The following GP6 variants were observed in gnomAD, a reference collection of about 807,000 sequenced individuals.
The protein encoded by GP6 is platelet glycoprotein VI.
In GP6, 45 loss-of-function variants were observed where a neutral mutation model predicts 37.3. That is an observed-to-expected ratio of 1.21 (90% CI 0.95 to 1.55). The LOEUF (loss-of-function observed/expected upper bound fraction) is 1.55. GP6 is among the 40% of genes most tolerant of loss of function. The probability of loss-of-function intolerance (pLI) is 0.00; values close to 1 mark genes in which losing one functional copy is unlikely to be tolerated. For synonymous variants in GP6, 340 were observed against 316.4 expected, an observed-to-expected ratio of 1.07 and a Z score of -0.79; for missense variants, 813 against 760.2, an observed-to-expected ratio of 1.07 and a Z score of -0.82.
chr19:55,021,497 C>T (rs62121977), intron 5 of GP6, among the ~76,000 whole-genome samples: 111,278 of 147,650 alleles, frequency 0.75, 42,925 homozygotes, highest in Middle Eastern at 0.84. Context: ...TCGCCAGCAC[C>T]TGTTGTTTCT....
chr19:55,038,004 C>T (rs1165866437), intron 1 of GP6, among the ~76,000 whole-genome samples, 199 bp downstream of exon 1: 2 of 152,148 alleles, frequency 1.3e-5, no homozygotes, highest in African/African-American at 4.8e-5. Flanking sequence ...TTTCCTGACC[C>T]AGCCATGAAT....
chr19:55,036,778 C>T (rs537251428), intron 1 of GP6, among the ~76,000 whole-genome samples: 144 of 152,144 alleles, frequency 9.5e-4, no homozygotes, highest in African/African-American at 3.0e-3. Context: ...TTTGGGAGGC[C>T]GAGGCGGGTG....
rs1456856082 is a variant in GP6, at chr19:55,014,460, G to A, written c.1485C>T (p.Ile495=). The A allele has an allele frequency of 1.9e-6, 3 of 1,613,718 alleles. No homozygotes were observed. The highest frequency in any genetic ancestry group is 2.2e-5 in the South Asian group (2 of 91,082). ...GGAGATTTGTTAGACCGCAGTGGGA[G>A]ATGGAGTGAGGGTGAGAGTTTCTGG... The change falls in exon 8 of 8, where the codon ATC becomes ATT. Residue 495 remains isoleucine (I), a synonymous_variant. Transcript: ENST00000310373.
intron 1 of GP6, among the ~76,000 whole-genome samples, chr19:55,034,746 A>ACACACACACACACACACACAC (rs2074764728): frequency 1.9e-5 from 2 of 103,956 alleles, no homozygotes; most frequent in African/African-American, 7.4e-5. Flanking sequence ...CACACACACA[A>ACACACACACACACACACACAC]AGGCGGGATA....
At position 55,023,178 on chromosome 19, in the gene GP6, T is replaced by G. The variant is rs8104827; in HGVS notation, c.664+2040A>C. On this transcript the variant is annotated intron_variant, in intron 5 of 7. Transcript: ENST00000310373. ...AGACACATAGACCAATGGAACAGAA[T>G]AGAGATCTCAGAAATAAGACCACAC... Among the ~76,000 whole-genome samples the G allele has an allele frequency of 1.5e-3, 227 of 152,234 alleles. 1 individual carries two copies. The highest frequency in any genetic ancestry group is 5.2e-3 in the African/African-American group (215 of 41,534).
chr19:55,030,047 T>C (rs1484411142), intron 3 of GP6, among the ~76,000 whole-genome samples: 4 of 152,212 alleles, frequency 2.6e-5, no homozygotes, highest in African/African-American at 9.6e-5. Flanking sequence ...GAAAAAATTA[T>C]TGAAAATTTG....
rs11881293 is a variant in GP6 at position 55,034,980 on chromosome 19, C to T, written c.35-2442G>A. Among the ~76,000 whole-genome samples the T allele has an allele frequency of 2.8e-3, 428 of 152,290 alleles. 3 individuals are homozygous for T. Among genetic ancestry groups the T allele is most frequent in the African/African-American group, 9.7e-3 (404 of 41,574 alleles). On this transcript the variant is annotated intron_variant, in intron 1 of 7. Transcript: ENST00000310373. ...CGCTTCTCTGTCCCCCTCCTCCTGC[C>T]GCATCACAGCCCACCTCAGCCTCTT...
At position 55,014,687 on chromosome 19, in the gene GP6, T is replaced by A; in HGVS notation, c.1258A>T (p.Arg420Ter). The A allele has an allele frequency of 6.2e-7, 1 of 1,613,758 alleles. No homozygotes were observed. Among genetic ancestry groups the A allele is most frequent in the East Asian group, 2.2e-5 (1 of 44,870 alleles). Residue 420 changes from arginine to a stop codon, truncating the protein, a stop_gained, in exon 8 of 8, where the codon AGA becomes TGA. Coordinates refer to ENST00000310373, the MANE Select transcript of GP6 (RefSeq NM_001083899.2). LOFTEE classifies it low-confidence loss of function (END_TRUNC). ...AGTGTGCAGGGAGGAGGATGGGGTCTCCACAGATTCCTTCCATCCCAAATG... is the reference window on the plus strand; with the variant it reads ...AGTGTGCAGGGAGGAGGATGGGGTCACCACAGATTCCTTCCATCCCAAATG...
chr19:55,032,939 GCTCGTTCGTGTTAGACACGGTGGA>G (rs1446014129), intron 1 of GP6: 12,017 of 240,166 alleles, frequency 0.05, 2,704 homozygotes, highest in Middle Eastern at 0.12. Context: ...GACACGGTGG[GCTCGTTCGTGTTAGACACGGTGGA>G]CTCGTTCGTG....
At chr19:55,034,406 A>T (rs2074745740) in intron 1 of GP6, among the ~76,000 whole-genome samples, 1 of 151,840 alleles carries the variant, frequency 6.6e-6, no homozygotes, top group Admixed American at 6.6e-5. Flanking sequence ...AATACCAGAA[A>T]TTAGCTGGGC....
chr19:55,037,397 G>A (rs1310731138), intron 1 of GP6, among the ~76,000 whole-genome samples: 4 of 150,150 alleles, frequency 2.7e-5, no homozygotes, highest in Admixed American at 6.7e-5. Flanking sequence ...GAGTGCAATG[G>A]TGTGATCTTG....
chr19:55,019,678 C>CTTTTTTTTT (rs770367312), intron 5 of GP6, among the ~76,000 whole-genome samples: 51 of 126,714 alleles, frequency 4.0e-4, no homozygotes, highest in Non-Finnish European at 5.0e-4. Flanking sequence ...TTCTTTTTTT[C>CTTTTTTTTT]TTTTTTTTTT....
At chr19:55,027,498 C>T in intron 4 of GP6, 80 bp downstream of exon 4, 1 of 1,197,128 alleles carries the variant, frequency 8.4e-7, no homozygotes, top group Non-Finnish European at 1.2e-6. Context: ...ACTTCCTTCC[C>T]ACTTATGGCC....
intron 5 of GP6, among the ~76,000 whole-genome samples, chr19:55,019,823 A>G (rs1373822405): frequency 2.0e-5 from 3 of 151,154 alleles, no homozygotes; most frequent in African/African-American, 7.3e-5. Flanking sequence ...GACTACAGGC[A>G]CCCGCCACCA....
At chr19:55,037,776 C>G (rs2074892031) in intron 1 of GP6, among the ~76,000 whole-genome samples, 1 of 151,316 alleles carries the variant, frequency 6.6e-6, no homozygotes, top group East Asian at 1.9e-4. Context: ...GGATTACAAG[C>G]ACCCGCCATC....
chr19:55,014,858 CTT>C lies in GP6; in HGVS notation c.1085_1086del (p.Lys362ArgfsTer101), dbSNP rs1012908387. ...GCTTCCACGCTCCACACACGCCAGT[CTT>C]TGAGTCGCCTCCCATGCCATGATCC... On this transcript the variant is annotated frameshift_variant, in exon 8 of 8. Coordinates refer to ENST00000310373, the MANE Select transcript of GP6 (RefSeq NM_001083899.2). LOFTEE classifies it low-confidence loss of function (END_TRUNC). 1 of 1,614,108 alleles carries C rather than the reference CTT, an allele frequency of 6.2e-7. No homozygotes were observed.
At chr19:55,031,917 G>A (rs1449325777) in intron 3 of GP6, among the ~76,000 whole-genome samples, 1 of 152,162 alleles carries the variant, frequency 6.6e-6, no homozygotes, top group Non-Finnish European at 1.5e-5. Context: ...AGGCTGCAGT[G>A]AGCCAAGATC....
chr19:55,018,144 C>T (rs1165586385), intron 6 of GP6, among the ~76,000 whole-genome samples: 1 of 152,158 alleles, frequency 6.6e-6, no homozygotes, highest in Non-Finnish European at 1.5e-5. Context: ...GTGGAAGTAT[C>T]TAACCTATTA....
chr19:55,024,257 C>T (rs377753643), intron 5 of GP6, among the ~76,000 whole-genome samples: 4 of 151,310 alleles, frequency 2.6e-5, no homozygotes, highest in Admixed American at 1.3e-4. Flanking sequence ...CAGAAGCACA[C>T]GCACACATAT....
Sources: allele counts gnomAD v4.1 joint callset (sites outside exome capture counted in the v4.1 genomes callset), GRCh38; gene constraint gnomAD v4.1.1; transcripts MANE v1.5; gene names NCBI Gene and HGNC (gene_info 2026-07-23, HGNC 2026-07-21).